MTA3: variants seen among roughly 807,000 people sequenced by gnomAD.
MTA3 encodes the protein metastasis associated 1 family member 3, also known as metastasis-associated protein MTA3.
Under a neutral mutation model 83.5 loss-of-function variants are expected in MTA3, and 34 were observed. That is an observed-to-expected ratio of 0.41 (90% CI 0.31 to 0.54). The LOEUF (loss-of-function observed/expected upper bound fraction) is 0.54, where lower values mean the gene tolerates loss of function less well. Among genes scored for constraint, MTA3 ranks in the 20% least tolerant of loss-of-function variants. The pLI, the probability that MTA3 is intolerant of heterozygous loss-of-function variation, is 0.33. For missense variants in MTA3, 761 were observed against 726.4 expected (o/e 1.05, Z -0.55); for synonymous variants, 303 against 252.7 (o/e 1.20, Z -1.89).
intron 16 of MTA3, among the ~76,000 whole-genome samples, chr2:42,738,714 A>G (rs1041059291): frequency 1.3e-5 from 2 of 152,230 alleles, no homozygotes; most frequent in East Asian, 3.9e-4. Context: ...AATGGGAGAA[A>G]TATTGCTGAA....
At chr2:42,572,500 A>G (rs1678600867) in intron 2 of MTA3, among the ~76,000 whole-genome samples, 1 of 151,436 alleles carries the variant, frequency 6.6e-6, no homozygotes, top group Non-Finnish European at 1.5e-5. Flanking sequence ...GCTTGGGCCC[A>G]GGAGGTCAAG....
intron 8 of MTA3, among the ~76,000 whole-genome samples, chr2:42,664,716 C>G (rs1041171377): frequency 6.6e-6 from 1 of 152,064 alleles, no homozygotes; most frequent in Non-Finnish European, 1.5e-5. Context: ...ATCTGAAGAC[C>G]TCTTTGAGAG....
At chr2:42,551,707 T>C (rs1677115823) in intron 2 of MTA3, among the ~76,000 whole-genome samples, 1 of 151,796 alleles carries the variant, frequency 6.6e-6, no homozygotes, top group African/African-American at 2.4e-5. Flanking sequence ...CAATGTTAAA[T>C]AGGATGGGAA....
intron 10 of MTA3, among the ~76,000 whole-genome samples, chr2:42,697,067 A>C (rs1693453960): frequency 6.6e-6 from 1 of 152,226 alleles, no homozygotes; most frequent in Non-Finnish European, 1.5e-5. Context: ...GGGAAAATAG[A>C]AGATAGCCTT....
intron 8 of MTA3, among the ~76,000 whole-genome samples, chr2:42,666,649 G>C (rs1482735008): frequency 6.6e-6 from 1 of 152,156 alleles, no homozygotes; most frequent in Non-Finnish European, 1.5e-5. Flanking sequence ...AGAGAGCCAG[G>C]TCTATAATTA....
chr2:42,500,045 G>A (rs1259834133), intron 2 of MTA3, among the ~76,000 whole-genome samples: 1 of 151,950 alleles, frequency 6.6e-6, no homozygotes, highest in East Asian at 1.9e-4. Context: ...GAGGCAGGTG[G>A]ATCATTTGAG....
intron 9 of MTA3, 91 bp downstream of exon 9, chr2:42,682,680 GT>G: frequency 8.6e-7 from 1 of 1,159,252 alleles, no homozygotes; most frequent in South Asian, 1.5e-5. Flanking sequence ...CATTTAGCAA[GT>G]TTGTGAGTTA....
At chr2:42,697,723 G>A in intron 10 of MTA3, 53 bp from the exon 11 acceptor site, 2 of 1,177,054 alleles carry the variant, frequency 1.7e-6, no homozygotes, top group Non-Finnish European at 2.4e-6. Context: ...ACAATGAACA[G>A]TAGTAATAAT....
chr2:42,539,943 A>G (rs893486313), intron 2 of MTA3, among the ~76,000 whole-genome samples: 3 of 152,226 alleles, frequency 2.0e-5, no homozygotes, highest in Admixed American at 6.6e-5. Context: ...TCCTGAGAAC[A>G]TATCTCTCTT....
Position 42,695,829 on chromosome 2 carries a change from A to G in MTA3, c.956A>G (p.Tyr319Cys), listed in dbSNP as rs1463070995. Residue 319 changes from tyrosine to cysteine, a missense_variant, in exon 10 of 17, where the codon TAT becomes TGT. By Grantham distance (194) the Tyr-to-Cys change is radical. Transcript: ENST00000405094. ...YYYMWKTTDR[Y>C]VQQKRLKAAE... ...TACATGTGGAAAACTACTGACAGAT[A>G]TGTGCAACAGGTAATTTTTTTCATA... 1 of 1,581,608 alleles carries G rather than the reference A, an allele frequency of 6.3e-7. No individual in the cohort carries two copies. The highest frequency in any genetic ancestry group is 8.6e-7 in the Non-Finnish European group (1 of 1,161,574).
chr2:42,650,269 C>T (rs960484272), intron 6 of MTA3, among the ~76,000 whole-genome samples: 15 of 151,952 alleles, frequency 9.9e-5, no homozygotes, highest in Non-Finnish European at 1.9e-4. Flanking sequence ...GGAAGGGGCA[C>T]CTAGTGGAGA....
intron 4 of MTA3, among the ~76,000 whole-genome samples, chr2:42,632,815 T>A (rs1366873221): frequency 6.6e-6 from 1 of 152,104 alleles, no homozygotes; most frequent in Non-Finnish European, 1.5e-5. Context: ...CACAAACAGA[T>A]GTTTCAGGGT....
chr2:42,631,499 G>T (rs1573387713), intron 4 of MTA3, among the ~76,000 whole-genome samples: 1 of 152,032 alleles, frequency 6.6e-6, no homozygotes, highest in African/African-American at 2.4e-5. Flanking sequence ...ACTTGTGTGT[G>T]TGTTTTTTTT....
chr2:42,637,883 G>A (rs1253634679), intron 4 of MTA3, among the ~76,000 whole-genome samples: 1 of 152,024 alleles, frequency 6.6e-6, no homozygotes, highest in Non-Finnish European at 1.5e-5. Flanking sequence ...GACTTTTAAA[G>A]TATGCTATAT....
At chr2:42,636,429 C>T (rs1405907418) in intron 4 of MTA3, among the ~76,000 whole-genome samples, 1 of 151,874 alleles carries the variant, frequency 6.6e-6, no homozygotes, top group Admixed American at 6.6e-5. Context: ...GTAGTCCCAG[C>T]TACTGGGGAG....
chr2:42,722,744 A>G (rs1332360021), intron 15 of MTA3, 145 bp from the exon 16 acceptor site: 2 of 907,480 alleles, frequency 2.2e-6, no homozygotes, highest in African/African-American at 3.4e-5. Flanking sequence ...CTTGAAGCTG[A>G]CTCATTATGC....
intron 14 of MTA3, among the ~76,000 whole-genome samples, chr2:42,713,868 C>T (rs1404651505): frequency 1.3e-5 from 2 of 152,088 alleles, no homozygotes; most frequent in African/African-American, 4.8e-5. Context: ...AATGTTGCAA[C>T]AAATATCCTT....
intron 4 of MTA3, among the ~76,000 whole-genome samples, chr2:42,639,212 T>G (rs1235638610): frequency 1.3e-5 from 2 of 151,952 alleles, no homozygotes; most frequent in Non-Finnish European, 2.9e-5. Context: ...AGGCATGTGC[T>G]ACCATACCCC....
chr2:42,672,461 G>T (rs1460891166), intron 8 of MTA3, among the ~76,000 whole-genome samples: 1 of 151,554 alleles, frequency 6.6e-6, no homozygotes, highest in Admixed American at 6.6e-5. Context: ...TGGCTAACAT[G>T]GTGAAACCCT....
Sources: allele counts gnomAD v4.1 joint callset (sites outside exome capture counted in the v4.1 genomes callset), GRCh38; gene constraint gnomAD v4.1.1; transcripts MANE v1.5; gene names NCBI Gene and HGNC (gene_info 2026-07-23, HGNC 2026-07-21).